The following ANKMY1 variants were observed in gnomAD, a reference collection of about 807,000 sequenced individuals.
The protein encoded by ANKMY1 is ankyrin repeat and MYND domain-containing protein 1.
In ANKMY1, 98 loss-of-function variants were observed where a neutral mutation model predicts 102.0. The ratio of observed to expected loss-of-function variants is 0.96; its 90% confidence interval spans 0.82 to 1.14. The LOEUF (loss-of-function observed/expected upper bound fraction) is 1.14, where lower values mean the gene tolerates loss of function less well. Among genes scored for constraint, ANKMY1 ranks in the 50% most tolerant of loss-of-function variants. ANKMY1 has a pLI of 0.00. For synonymous variants in ANKMY1, 582 were observed against 559.9 expected, an observed-to-expected ratio of 1.04 and a Z score of -0.56; for missense variants, 1,330 against 1,347.6, an observed-to-expected ratio of 0.99 and a Z score of 0.20.
rs571437844 is a variant in ANKMY1 at position 240,517,794 on chromosome 2, G to A, written c.2004+2568C>T. 2.0e-5 allele frequency among the ~76,000 whole-genome samples: 3 copies of A among 152,192 alleles called. No individual in the cohort carries two copies. The South Asian group carries it at 6.2e-4, about 32-fold the overall frequency. ...GCACTGCAGCCTAGGTGACAGAGTGGGACCCTGCCTCAAAAGAAAAAAAAG... is the reference window on the plus strand; with the variant it reads ...GCACTGCAGCCTAGGTGACAGAGTGAGACCCTGCCTCAAAAGAAAAAAAAG... On this transcript the variant is annotated intron_variant, in intron 9 of 17. Transcript: ENST00000401804.
At chr2:240,532,243 A>C in intron 4 of ANKMY1, 4 of 351,836 alleles carry the variant, frequency 1.1e-5, no homozygotes, top group South Asian at 9.0e-5. Flanking sequence ...CAAAGATGGA[A>C]GCCAGGAAAC....
chr2:240,560,689 G>T, upstream of ANKMY1: 1 of 1,524,770 alleles, frequency 6.6e-7, no homozygotes, highest in South Asian at 1.2e-5. Flanking sequence ...GGCGCCATGG[G>T]ACCGGCAGAA....
chr2:240,499,864 C>A lies in ANKMY1; in HGVS notation c.2806+94G>T. Reference sequence around the variant, plus strand: ...AGCCCCAGGAAGGCCCCTCCAAGAGCCCCAGGGGGTCCAGATCTCCAGGGA... The same window carrying A: ...AGCCCCAGGAAGGCCCCTCCAAGAGACCCAGGGGGTCCAGATCTCCAGGGA... On this transcript the variant is annotated intron_variant, in intron 15 of 17. Transcript: ENST00000401804. The surrounding 1 kb of genome is among the most constrained non-coding windows in gnomAD (Gnocchi z 4.2). 1 of 1,442,966 alleles carries A rather than the reference C, an allele frequency of 6.9e-7. No homozygotes were observed. Among genetic ancestry groups the A allele is most frequent in the South Asian group, 1.4e-5 (1 of 70,076 alleles). 89.4% of individuals were successfully genotyped at this position (1,442,966 alleles called of 1,614,324 possible). A position where few individuals can be genotyped will look rare whatever the true frequency, so the allele number is the denominator to read the frequency against.
At chr2:240,557,770 C>G (rs867778759) in intron 1 of ANKMY1, 111 bp downstream of exon 1, 1 of 708,176 alleles carries the variant, frequency 1.4e-6, no homozygotes. Flanking sequence ...GCCCCTCGGC[C>G]CCTCCCTGGG....
the ANKMY1 span, among the ~76,000 whole-genome samples, chr2:240,471,112 G>GA: frequency 0.63 from 94,155 of 149,984 alleles, 30,248 homozygotes; most frequent in African/African-American, 0.78. Flanking sequence ...ATCTGGGCAG[G>GA]AAAAAAAAAA....
intron 17 of ANKMY1, among the ~76,000 whole-genome samples, chr2:240,480,474 C>T (rs1378681398): frequency 6.6e-6 from 1 of 152,238 alleles, no homozygotes; most frequent in Non-Finnish European, 1.5e-5. Context: ...CACCTGTTGA[C>T]GTCCACACTA....
chr2:240,515,319 T>A (rs760922677), intron 9 of ANKMY1, among the ~76,000 whole-genome samples: 1 of 152,058 alleles, frequency 6.6e-6, no homozygotes, highest in East Asian at 1.9e-4. Flanking sequence ...GGCGGATCAC[T>A]AGGTCAGGAG....
intron 15 of ANKMY1, among the ~76,000 whole-genome samples, chr2:240,485,016 T>C (rs147348439): frequency 0.13 from 20,354 of 152,064 alleles, 1,482 homozygotes; most frequent in Non-Finnish European, 0.16. Context: ...CTCATGCCAG[T>C]TAGAATGGTG....
intron 8 of ANKMY1, chr2:240,523,555 C>A: frequency 2.5e-6 from 1 of 393,280 alleles, no homozygotes; most frequent in Non-Finnish European, 4.8e-6. Context: ...TAGGATAGGA[C>A]CCCTGACAGT....
intron 15 of ANKMY1, among the ~76,000 whole-genome samples, chr2:240,487,210 A>G (rs767553291): frequency 1.3e-5 from 2 of 152,204 alleles, no homozygotes; most frequent in Non-Finnish European, 2.9e-5. Context: ...TAGCTCCCAC[A>G]TATAAGTGAG....
intron 15 of ANKMY1, among the ~76,000 whole-genome samples, chr2:240,486,953 T>G (rs1384949338): frequency 6.6e-6 from 1 of 152,228 alleles, no homozygotes; most frequent in Non-Finnish European, 1.5e-5. Flanking sequence ...CAAAAAGTTT[T>G]GTGACATGTA....
chr2:240,539,225 C>T lies in ANKMY1; in HGVS notation c.481-9716G>A, dbSNP rs192039384. Among the ~76,000 whole-genome samples, 13 of 152,290 alleles carry T rather than the reference C, an allele frequency of 8.5e-5. No homozygotes were observed. The East Asian group carries it at 9.6e-4, about 11-fold the overall frequency. Reference sequence around the variant, plus strand: ...GCGTTTATGAGCTGTTAACACTCACCGCAAAGGTCTGCAGCTTCACTCCTG... The same window carrying T: ...GCGTTTATGAGCTGTTAACACTCACTGCAAAGGTCTGCAGCTTCACTCCTG... On this transcript the variant is annotated intron_variant, in intron 4 of 17. Transcript: ENST00000401804.
At chr2:240,500,688 C>T (rs905326269) in intron 13 of ANKMY1, 123 bp from the exon 14 acceptor site, 14 of 731,926 alleles carry the variant, frequency 1.9e-5, no homozygotes, top group African/African-American at 1.2e-4. Context: ...TTGCAGTGTG[C>T]GGGAATGCCC....
intron 4 of ANKMY1, among the ~76,000 whole-genome samples, chr2:240,540,150 C>T (rs1291624904): frequency 1.3e-5 from 2 of 152,242 alleles, no homozygotes; most frequent in South Asian, 2.1e-4. Context: ...ATTACAGAGT[C>T]CCTGAATCCA....
chr2:240,560,625 G>A, upstream of ANKMY1: 4 of 1,406,986 alleles, frequency 2.8e-6, no homozygotes, highest in Non-Finnish European at 3.7e-6. Context: ...CTCCTGGGCG[G>A]GCGCCTGAGC....
chr2:240,538,355 CG>C (rs1162327273), intron 4 of ANKMY1, among the ~76,000 whole-genome samples: 1 of 152,092 alleles, frequency 6.6e-6, no homozygotes, highest in Non-Finnish European at 1.5e-5. Flanking sequence ...GGCGTGGGCT[CG>C]GGGGGCCCAC....
rs777876971 is a variant in ANKMY1, at chr2:240,509,332, T to C, written c.2394+16A>G. ...ACACATAGGTGCACAGGTCTGTGGG[T>C]ACAGAACATGCTCACCAGCTCATTC... On this transcript the variant is annotated intron_variant, in intron 12 of 17. Transcript: ENST00000401804. The C allele has an allele frequency of 6.3e-7, 1 of 1,597,312 alleles. No individual in the cohort carries two copies. Among genetic ancestry groups the C allele is most frequent in the South Asian group, 1.1e-5 (1 of 90,084 alleles).
chr2:240,547,971 C>G (rs541501599), intron 4 of ANKMY1, among the ~76,000 whole-genome samples: 2 of 152,154 alleles, frequency 1.3e-5, no homozygotes, highest in African/African-American at 2.4e-5. Context: ...TGAAGCTATT[C>G]GAATCAATAA....
intron 13 of ANKMY1, among the ~76,000 whole-genome samples, chr2:240,502,524 C>A (rs1339904762): frequency 6.6e-6 from 1 of 151,962 alleles, no homozygotes; most frequent in Non-Finnish European, 1.5e-5. Flanking sequence ...GCAGTGTGTG[C>A]TTTGGCCTGA....
Sources: allele counts gnomAD v4.1 joint callset (sites outside exome capture counted in the v4.1 genomes callset), GRCh38; gene constraint gnomAD v4.1.1; non-coding constraint Gnocchi (gnomAD v3.1); transcripts MANE v1.5; gene names NCBI Gene and HGNC (gene_info 2026-07-23, HGNC 2026-07-21).